Variants in EGFR observed in about 807,000 individuals in gnomAD.
EGFR encodes epidermal growth factor receptor.
A neutral mutation model predicts 143.0 loss-of-function variants in EGFR; 58 were observed. That is an observed-to-expected ratio of 0.41 (90% CI 0.33 to 0.50). The LOEUF (loss-of-function observed/expected upper bound fraction) is 0.50, where lower values mean the gene tolerates loss of function less well. Among genes scored for constraint, EGFR ranks in the 20% least tolerant of loss-of-function variants. The pLI, the probability that EGFR is intolerant of heterozygous loss-of-function variation, is 0.39. For missense variants in EGFR, 1,307 were observed against 1,579.0 expected (o/e 0.83, Z 2.92); for synonymous variants, 613 against 594.4 (o/e 1.03, Z -0.45).
chr7:55,137,610 A>G (rs1054033637), intron 1 of EGFR, among the ~76,000 whole-genome samples: 1 of 152,208 alleles, frequency 6.6e-6, no homozygotes, highest in East Asian at 1.9e-4. Context: ...GATGTCCAAC[A>G]AGAATGCACA....
chr7:55,053,292 C>T (rs1583918187), intron 1 of EGFR, among the ~76,000 whole-genome samples: 1 of 152,142 alleles, frequency 6.6e-6, no homozygotes, highest in South Asian at 2.1e-4. Context: ...GGGGAGATGT[C>T]CTCGACCTCT....
At chr7:55,041,304 G>A (rs532795522) in intron 1 of EGFR, among the ~76,000 whole-genome samples, 8 of 152,238 alleles carry the variant, frequency 5.3e-5, no homozygotes, top group South Asian at 4.2e-4. Flanking sequence ...CCAGCTATTC[G>A]GGAGGCGGAG....
intron 20 of EGFR, among the ~76,000 whole-genome samples, chr7:55,190,340 T>C (rs67652465): frequency 0.25 from 37,903 of 151,998 alleles, 6,055 homozygotes; most frequent in East Asian, 0.77. Context: ...AAGCGTCTCT[T>C]TTCCAAAAGA....
intron 1 of EGFR, among the ~76,000 whole-genome samples, chr7:55,084,907 G>A (rs925078523): frequency 2.0e-5 from 3 of 152,096 alleles, no homozygotes; most frequent in Admixed American, 6.5e-5. Flanking sequence ...CCAGGTTCTC[G>A]GTAGCAGGGC....
Position 55,019,126 on chromosome 7 carries a change from G to A in EGFR, c.-152G>A. 2 of 446,918 alleles carry A rather than the reference G, an allele frequency of 4.5e-6. No individual in the cohort carries two copies. The highest frequency in any genetic ancestry group is 7.2e-6 in the Non-Finnish European group (2 of 278,606). The allele number at this position is 446,918 out of a possible 1,614,324, so 27.7% of individuals were successfully genotyped here. A position where few individuals can be genotyped will look rare whatever the true frequency, so the allele number is the denominator to read the frequency against. On this transcript the variant is annotated 5_prime_UTR_variant, in exon 1 of 28. Coordinates refer to ENST00000275493, the MANE Select transcript of EGFR (RefSeq NM_005228.5). The stretch of plus-strand genomic sequence containing the variant: ...GCCGGAGTCCCGAGCTAGCCCCGGC[G>A]GCCGCCGCCGCCCAGACCGGACGAC...
At chr7:55,060,646 T>G (rs1024748) in intron 1 of EGFR, among the ~76,000 whole-genome samples, 21,339 of 152,188 alleles carry the variant, frequency 0.14, 1,854 homozygotes, top group Non-Finnish European at 0.19. Flanking sequence ...TGACTTTTCA[T>G]CTTGTGTTTT....
chr7:55,095,761 C>T (rs1345636614), intron 1 of EGFR, among the ~76,000 whole-genome samples: 1 of 150,518 alleles, frequency 6.6e-6, no homozygotes, highest in Non-Finnish European at 1.5e-5. Flanking sequence ...CACAGATGGG[C>T]ACACACAGAG....
At chr7:55,116,280 T>C (rs967980426) in intron 1 of EGFR, among the ~76,000 whole-genome samples, 1 of 152,222 alleles carries the variant, frequency 6.6e-6, no homozygotes, top group Non-Finnish European at 1.5e-5. Context: ...GGGCCAGCTA[T>C]TGAGATTCCT....
chr7:55,073,999 C>A (rs979951946), intron 1 of EGFR, among the ~76,000 whole-genome samples: 1 of 152,256 alleles, frequency 6.6e-6, no homozygotes, highest in Non-Finnish European at 1.5e-5. Flanking sequence ...CAGACACACC[C>A]TTCCCCTAGT....
chr7:55,153,350 G>C (rs753058971), intron 6 of EGFR, among the ~76,000 whole-genome samples: 52 of 152,274 alleles, frequency 3.4e-4, no homozygotes, highest in Non-Finnish European at 1.2e-4. Flanking sequence ...AGACGCCAAG[G>C]CTGGTGGATG....
chr7:55,127,953 C>G (rs1163682719), intron 1 of EGFR, among the ~76,000 whole-genome samples: 4 of 152,240 alleles, frequency 2.6e-5, no homozygotes, highest in African/African-American at 7.2e-5. Flanking sequence ...ATAACCTTAT[C>G]TCCGTCAACA....
chr7:55,082,294 A>T (rs917999023), intron 1 of EGFR, among the ~76,000 whole-genome samples: 4 of 152,222 alleles, frequency 2.6e-5, no homozygotes, highest in African/African-American at 9.6e-5. Context: ...CTTGTAAAGG[A>T]TGCACAATCC....
intron 1 of EGFR, among the ~76,000 whole-genome samples, chr7:55,101,953 T>C (rs1468248733): frequency 6.6e-6 from 1 of 152,126 alleles, no homozygotes; most frequent in African/African-American, 2.4e-5. Context: ...GGGGAAGAGG[T>C]TGTGCTATGT....
Position 55,171,217 on chromosome 7 carries a change from A to G in EGFR, c.1919+4A>G, listed in dbSNP as rs1786334890. ...TTGAAGGCTGTCCAACGAATGGGTA[A>G]GTGTTCACAGCTCTGTGTCACATGG... On this transcript the variant is annotated splice_donor_region_variant and intron_variant, in intron 16 of 27. Coordinates refer to ENST00000275493, the MANE Select transcript of EGFR (RefSeq NM_005228.5). 1 of 1,614,122 alleles carries G rather than the reference A, an allele frequency of 6.2e-7. No homozygotes were observed.
chr7:55,127,392 G>A (rs941811849), intron 1 of EGFR, among the ~76,000 whole-genome samples: 4 of 152,282 alleles, frequency 2.6e-5, no homozygotes, highest in Non-Finnish European at 5.9e-5. Flanking sequence ...ACGAAAGGAA[G>A]TGTTACCACA....
intron 1 of EGFR, among the ~76,000 whole-genome samples, chr7:55,094,625 T>G (rs1791333197): frequency 6.6e-6 from 1 of 152,218 alleles, no homozygotes; most frequent in South Asian, 2.1e-4. Flanking sequence ...GTCCAGCAAC[T>G]TCCTTTCTAA....
At chr7:55,029,285 G>A (rs1787117424) in intron 1 of EGFR, among the ~76,000 whole-genome samples, 1 of 152,208 alleles carries the variant, frequency 6.6e-6, no homozygotes, top group South Asian at 2.1e-4. Context: ...TTGCTACAAT[G>A]TTAATAGAGA....
intron 19 of EGFR, among the ~76,000 whole-genome samples, chr7:55,178,139 T>G (rs1183335767): frequency 1.3e-5 from 2 of 152,322 alleles, no homozygotes; most frequent in East Asian, 3.9e-4. Context: ...CTGCTCTGGT[T>G]TGCAGATTTT....
At chr7:55,074,693 C>G (rs967227752) in intron 1 of EGFR, among the ~76,000 whole-genome samples, 3 of 152,174 alleles carry the variant, frequency 2.0e-5, no homozygotes, top group Admixed American at 6.5e-5. Flanking sequence ...TAAACTACCA[C>G]TGTAAATAGA....
Sources: gnomAD v4.1 joint callset for allele counts (sites outside exome capture counted in the v4.1 genomes callset) on GRCh38, gnomAD v4.1.1 for gene constraint, MANE v1.5 for transcripts, NCBI Gene and HGNC (gene_info 2026-07-23, HGNC 2026-07-21) for gene names.